The following ADGRG4 variants were observed in gnomAD, a reference collection of about 807,000 sequenced individuals.
The protein encoded by ADGRG4 is G protein-coupled receptor 112.
A neutral mutation model predicts 126.2 loss-of-function variants in ADGRG4; 122 were observed. The ratio of observed to expected loss-of-function variants is 0.97; its 90% confidence interval spans 0.83 to 1.12. The LOEUF is 1.12. Among genes scored for constraint, ADGRG4 ranks in the 50% most tolerant of loss-of-function variants. The pLI is 0.00. For missense variants in ADGRG4, 2,481 were observed against 2,251.8 expected, an observed-to-expected ratio of 1.10 and a Z score of -2.06; for synonymous variants, 943 against 838.7, an observed-to-expected ratio of 1.12 and a Z score of -2.15.
intron 13 of ADGRG4, among the ~76,000 whole-genome samples, chrX:136,370,134 CAG>C (rs1198161045): frequency 5.4e-5 from 6 of 111,155 alleles, no homozygotes; most frequent in Admixed American, 4.8e-4. Flanking sequence ...GAAATACAGA[CAG>C]AGAGAGAGGG....
intron 25 of ADGRG4, among the ~76,000 whole-genome samples, chrX:136,416,049 A>T (rs1375664561): frequency 8.9e-6 from 1 of 111,864 alleles, no homozygotes; most frequent in African/African-American, 3.3e-5. Flanking sequence ...TGCCCTCTGT[A>T]CCACCAGGCA....
At chrX:136,336,493 TC>T (rs1459022730) in intron 5 of ADGRG4, among the ~76,000 whole-genome samples, 3 of 111,652 alleles carry the variant, frequency 2.7e-5, no homozygotes, top group Non-Finnish European at 5.6e-5. Context: ...TTCAGCTCCA[TC>T]AGTTTTGCTT....
intron 15 of ADGRG4, among the ~76,000 whole-genome samples, chrX:136,386,500 A>G (rs1026975969): frequency 8.9e-6 from 1 of 111,937 alleles, no homozygotes. Flanking sequence ...TTTAACCCCC[A>G]CTATACACCC....
chrX:136,339,360 A>G (rs1428823017), intron 5 of ADGRG4, among the ~76,000 whole-genome samples: 1 of 111,907 alleles, frequency 8.9e-6, no homozygotes, highest in Non-Finnish European at 1.9e-5. Flanking sequence ...GGCAAAAACA[A>G]TAGTCTTCCC....
chrX:136,395,453 T>C lies in ADGRG4; in HGVS notation c.8144T>C (p.Ile2715Thr), dbSNP rs138949242. 2.8e-4 allele frequency: 336 copies of C among 1,194,187 alleles called. No individual in the cohort carries two copies. The highest frequency in any genetic ancestry group is 2.5e-3 in the Middle Eastern group (11 of 4,323). Residue 2715 changes from isoleucine to threonine, a missense_variant, in exon 19 of 26, where the codon ATC becomes ACC. Coordinates refer to ENST00000394143, the MANE Select transcript of ADGRG4 (RefSeq NM_153834.4). ...KVKETNVNYT[I>T]CQCDHLTHFG... is the part of the protein sequence containing the mutation. Reference sequence around the variant, plus strand: ...AAGGAAACAAATGTAAATTACACAATCTGTCAGTGTGACCACCTCACCCAT... The same window carrying C: ...AAGGAAACAAATGTAAATTACACAACCTGTCAGTGTGACCACCTCACCCAT...
chrX:136,405,546 A>T (rs1362431893), intron 22 of ADGRG4, 146 bp from the exon 23 acceptor site: 1 of 368,852 alleles, frequency 2.7e-6, no homozygotes, highest in East Asian at 4.5e-5. Flanking sequence ...CTCTGCCTCC[A>T]GTTGGTATGA....
chrX:136,363,692 G>C (rs2148477490), intron 13 of ADGRG4, 97 bp downstream of exon 13: 2 of 567,092 alleles, frequency 3.5e-6, no homozygotes. Context: ...ACCCCACTTA[G>C]GAAAATCTAC....
intron 15 of ADGRG4, among the ~76,000 whole-genome samples, chrX:136,382,326 GA>G (rs146579940): frequency 1.1e-3 from 123 of 108,601 alleles, no homozygotes; most frequent in African/African-American, 3.9e-3. Flanking sequence ...CACGATAAAA[GA>G]AAAAAAAATA....
chrX:136,383,285 T>A (rs1854189881), intron 15 of ADGRG4, among the ~76,000 whole-genome samples: 1 of 111,897 alleles, frequency 8.9e-6, no homozygotes, highest in African/African-American at 3.2e-5. Context: ...CTCCATTTAG[T>A]CCTTTCAAAT....
chrX:136,405,071 G>A (rs1004522333), intron 22 of ADGRG4, among the ~76,000 whole-genome samples: 14 of 112,013 alleles, frequency 1.2e-4, no homozygotes, highest in East Asian at 5.6e-4. Context: ...AATAAAAACC[G>A]TAGAGTTGTT....
At position 136,348,971 on chromosome X, in the gene ADGRG4, T is replaced by C. The variant is rs183607817; in HGVS notation, c.5265T>C (p.His1755=). Residue 1755 remains histidine (H), a synonymous_variant, in exon 6 of 26, where the codon CAT becomes CAC. Transcript: ENST00000394143. ...CTGAAAATATGCTTTCACCTACTCA[T>C]GCAGATAGTCTCCATACTTCCTTCA... ...TVPENMLSPT[H]ADSLHTSFNI... The C allele has an allele frequency of 1.7e-6, 2 of 1,209,787 alleles. No homozygotes were observed. Among genetic ancestry groups the C allele is most frequent in the South Asian group, 3.5e-5 (2 of 56,938 alleles).
At chrX:136,314,322 T>C (rs2074791998) in intron 4 of ADGRG4, among the ~76,000 whole-genome samples, 1 of 111,583 alleles carries the variant, frequency 9.0e-6, no homozygotes, top group South Asian at 3.8e-4. Flanking sequence ...AGAATATAAT[T>C]CAAACTCTTT....
chrX:136,319,209 C>T (rs2148448909), intron 4 of ADGRG4, among the ~76,000 whole-genome samples: 1 of 112,648 alleles, frequency 8.9e-6, no homozygotes, highest in East Asian at 2.8e-4. Context: ...CCTCAGAGCC[C>T]TGCTGGAGGC....
chrX:136,333,632 C>T (rs984730892), intron 5 of ADGRG4, among the ~76,000 whole-genome samples: 11 of 111,404 alleles, frequency 9.9e-5, no homozygotes, highest in African/African-American at 3.6e-4. Flanking sequence ...ATTCATGTGC[C>T]TCAGCCTCCT....
intron 17 of ADGRG4, 59 bp from the exon 18 acceptor site, chrX:136,393,476 G>A (rs1180378752): frequency 2.0e-6 from 2 of 976,206 alleles, no homozygotes; most frequent in African/African-American, 3.8e-5. Flanking sequence ...ATGTGTATAT[G>A]TTACTATATG....
chrX:136,334,649 TTTG>T (rs1363277215), intron 5 of ADGRG4, among the ~76,000 whole-genome samples: 1 of 112,535 alleles, frequency 8.9e-6, no homozygotes, highest in Non-Finnish European at 1.9e-5. Flanking sequence ...ATACACATGC[TTTG>T]TTAAGTGTAT....
chrX:136,374,078 C>G (rs962786516), intron 15 of ADGRG4, among the ~76,000 whole-genome samples: 1 of 111,791 alleles, frequency 8.9e-6, no homozygotes, highest in Non-Finnish European at 1.9e-5. Context: ...TATTTTTCTG[C>G]GATAGTTTTT....
Position 136,395,412 on chromosome X carries a change from G to A in ADGRG4, c.8103G>A (p.Ser2701=), listed in dbSNP as rs149093965. The A allele has an allele frequency of 6.4e-5, 77 of 1,197,738 alleles. No homozygotes were observed. The South Asian group carries it at 9.8e-4, about 15-fold the overall frequency. The part of the protein sequence containing the change: ...ENNNGLGGWN[S]SGCKVKETNV... ...CAGATGGGCTGGGTGGATGGAATTC[G>A]TCAGGCTGTAAAGTAAAGGAAACAA... Residue 2701 remains serine, a synonymous_variant, in exon 19 of 26, where the codon TCG becomes TCA. Transcript: ENST00000394143.
intron 9 of ADGRG4, among the ~76,000 whole-genome samples, chrX:136,356,735 C>A (rs770497495): frequency 7.1e-5 from 8 of 112,401 alleles, no homozygotes; most frequent in Non-Finnish European, 1.3e-4. Flanking sequence ...CAGTGACTCA[C>A]ACCTGTAATC....
Sources: allele counts gnomAD v4.1 joint callset (sites outside exome capture counted in the v4.1 genomes callset), GRCh38; gene constraint gnomAD v4.1.1; transcripts MANE v1.5; gene names NCBI Gene and HGNC (gene_info 2026-07-23, HGNC 2026-07-21).